Variants in FBXO33 observed in about 807,000 individuals in gnomAD.
FBXO33 encodes F-box protein 33.
Under a neutral mutation model 46.3 loss-of-function variants are expected in FBXO33, and 22 were observed. The ratio of observed to expected loss-of-function variants is 0.48; its 90% CI spans 0.34 to 0.68. The LOEUF is 0.68. FBXO33 is among the 30% of genes least tolerant of loss of function. The pLI is 0.01. For missense variants in FBXO33, 692 were observed against 708.8 expected (o/e 0.98, Z 0.27); for synonymous variants, 337 against 291.3 (o/e 1.16, Z -1.60).
chr14:39,408,674 ATT>A (rs5808028), intron 1 of FBXO33, among the ~76,000 whole-genome samples: 20 of 140,134 alleles, frequency 1.4e-4, no homozygotes, highest in South Asian at 2.3e-4. Flanking sequence ...CACCATGCCT[ATT>A]TTTTTTTTTT....
intron 1 of FBXO33, among the ~76,000 whole-genome samples, chr14:39,409,316 T>C (rs533575471): frequency 1.3e-5 from 2 of 152,304 alleles, no homozygotes; most frequent in Admixed American, 1.3e-4. Flanking sequence ...ATTTTCAGTT[T>C]ACACAACACC....
At chr14:39,408,816 C>T (rs531141785) in intron 1 of FBXO33, among the ~76,000 whole-genome samples, 1 of 151,834 alleles carries the variant, frequency 6.6e-6, no homozygotes, top group East Asian at 2.0e-4. Flanking sequence ...CCTGCTGTTT[C>T]CCAGCATGGA....
chr14:39,426,559 A>C (rs905358172), intron 1 of FBXO33, among the ~76,000 whole-genome samples: 5 of 152,210 alleles, frequency 3.3e-5, no homozygotes, highest in African/African-American at 1.2e-4. Context: ...TCATTAAATA[A>C]GCCTACCTAA....
chr14:39,405,081 G>A (rs574218446), intron 1 of FBXO33, among the ~76,000 whole-genome samples: 2 of 151,582 alleles, frequency 1.3e-5, no homozygotes, highest in African/African-American at 4.8e-5. Flanking sequence ...CTGGGAGATG[G>A]GAGGTTGCAG....
intron 1 of FBXO33, among the ~76,000 whole-genome samples, chr14:39,420,672 C>G (rs1296328388): frequency 6.6e-6 from 1 of 151,518 alleles, no homozygotes; most frequent in African/African-American, 2.4e-5. Flanking sequence ...GCCTGGGGGA[C>G]AGAGCGAAAC....
In FBXO33 at chr14:39,398,012, A is replaced by C. The variant is rs1238906870; in HGVS notation, c.*1504T>G. The C allele has an allele frequency of 6.5e-6, 1 of 152,678 alleles. No individual in the cohort carries two copies. Among genetic ancestry groups the C allele is most frequent in the Non-Finnish European group, 1.5e-5 (1 of 68,048 alleles). The allele number at this position is 152,678 out of a possible 1,614,324, so 9.5% of individuals were successfully genotyped here. A position where few individuals can be genotyped will look rare whatever the true frequency, so the allele number is the denominator to read the frequency against. ...GGAGACAAAACAGTGCACACCTGTC[A>C]AAAGGTCATTTTAATATAAGATGGT... On this transcript the variant is annotated 3_prime_UTR_variant, in exon 4 of 4. Coordinates refer to ENST00000298097, the MANE Select transcript of FBXO33 (RefSeq NM_203301.4).
intron 1 of FBXO33, among the ~76,000 whole-genome samples, chr14:39,403,045 C>G (rs558235017): frequency 1.3e-5 from 2 of 152,200 alleles, no homozygotes; most frequent in South Asian, 2.1e-4. Context: ...AATAACAATA[C>G]CTACCTTATA....
At chr14:39,400,088 C>A (rs1183135585) in intron 3 of FBXO33, among the ~76,000 whole-genome samples, 2 of 152,042 alleles carry the variant, frequency 1.3e-5, no homozygotes, top group Non-Finnish European at 2.9e-5. Flanking sequence ...AAAGTATATA[C>A]AAATAAATTT....
At chr14:39,417,813 G>A (rs1270860280) in intron 1 of FBXO33, among the ~76,000 whole-genome samples, 5 of 152,144 alleles carry the variant, frequency 3.3e-5, no homozygotes, top group Non-Finnish European at 5.9e-5. Context: ...ACAGGCGTGA[G>A]CCACCACGCC....
At chr14:39,426,666 G>C (rs183091203) in intron 1 of FBXO33, among the ~76,000 whole-genome samples, 2 of 151,872 alleles carry the variant, frequency 1.3e-5, no homozygotes, top group Admixed American at 6.6e-5. Context: ...TCCACTGCTC[G>C]AACAGACCAA....
chr14:39,431,690 C>T lies in FBXO33; in HGVS notation c.473G>A (p.Gly158Asp), dbSNP rs1486995575. 3.1e-6 allele frequency: 5 copies of T among 1,613,446 alleles called. No homozygotes were observed. Among genetic ancestry groups the T allele is most frequent in the South Asian group, 1.1e-5 (1 of 91,084 alleles). The change falls in exon 1 of 4, where the codon GGT becomes GAT. Residue 158 changes from glycine (G) to aspartate (D), a missense_variant. Physicochemically the swap from Gly to Asp is moderately conservative, Grantham distance 94 (BLOSUM62 -1). Coordinates refer to ENST00000298097, the MANE Select transcript of FBXO33 (RefSeq NM_203301.4). The stretch of plus-strand genomic sequence containing the variant: ...CCCTCCAGTCCCGGTGTCCGCGCCA[C>T]CTCCGTCCCCTGGGCCACCGCCGCT... The part of the protein sequence containing the change: ...YLSGGGPGDG[G>D]GADTGTGGEE...
At chr14:39,411,520 C>G (rs1454079341) in intron 1 of FBXO33, among the ~76,000 whole-genome samples, 6 of 99,474 alleles carry the variant, frequency 6.0e-5, no homozygotes, top group Non-Finnish European at 1.1e-4. Context: ...TATTTGACTT[C>G]CCCCCCCTTT....
At chr14:39,427,676 C>T (rs2075522635) in intron 1 of FBXO33, among the ~76,000 whole-genome samples, 1 of 152,092 alleles carries the variant, frequency 6.6e-6, no homozygotes, top group African/African-American at 2.4e-5. Context: ...CAGGGGATCA[C>T]ACCTGTAATC....
chr14:39,402,455 C>T lies in FBXO33; in HGVS notation c.656G>A (p.Ser219Asn). Residue 219 changes from serine (S) to asparagine (N), a missense_variant, in exon 2 of 4, where the codon AGT (serine) becomes AAT (asparagine). By Grantham distance (46) the Ser-to-Asn change is conservative. Around this residue, in one of 3 missense-constraint regions of FBXO33, gnomAD observed 412 missense variants for 370.8 expected, o/e 1.11. Transcript: ENST00000298097. ...GDISVLQQQG[S>N]LSNTYLSKVD... Reference sequence around the variant, plus strand: ...CTTGCTGAGGTATGTATTTGACAAACTTCCTTGCTGTTGTAGAACACTTAT... The same window carrying T: ...CTTGCTGAGGTATGTATTTGACAAATTTCCTTGCTGTTGTAGAACACTTAT... 1.3e-6 allele frequency: 2 copies of T among 1,583,724 alleles called. No homozygotes were observed. Among genetic ancestry groups the T allele is most frequent in the Non-Finnish European group, 1.7e-6 (2 of 1,164,420 alleles).
At chr14:39,414,224 T>C (rs2075436943) in intron 1 of FBXO33, among the ~76,000 whole-genome samples, 1 of 152,226 alleles carries the variant, frequency 6.6e-6, no homozygotes, top group African/African-American at 2.4e-5. Flanking sequence ...GTGACTTTTT[T>C]CTTTAAACCT....
intron 1 of FBXO33, among the ~76,000 whole-genome samples, chr14:39,403,622 G>C (rs1242575958): frequency 2.0e-5 from 3 of 152,096 alleles, no homozygotes; most frequent in Non-Finnish European, 4.4e-5. Flanking sequence ...AAAACATATA[G>C]TTTTCTGATA....
At chr14:39,423,372 A>G (rs1254850218) in intron 1 of FBXO33, among the ~76,000 whole-genome samples, 1 of 152,218 alleles carries the variant, frequency 6.6e-6, no homozygotes, top group African/African-American at 2.4e-5. Context: ...GGTTATTTCT[A>G]CTAAAGCTGA....
chr14:39,431,428 G>C, intron 1 of FBXO33, 136 bp downstream of exon 1: 1 of 1,474,968 alleles, frequency 6.8e-7, no homozygotes. Flanking sequence ...CGCCTAGTTA[G>C]AACCAACACT....
chr14:39,422,163 C>T (rs1283371618), intron 1 of FBXO33, among the ~76,000 whole-genome samples: 2 of 152,172 alleles, frequency 1.3e-5, no homozygotes, highest in African/African-American at 4.8e-5. Context: ...GAGACTGAGG[C>T]AGGAGAAGTG....
Sources: gnomAD v4.1 joint callset for allele counts (sites outside exome capture counted in the v4.1 genomes callset) on GRCh38, gnomAD v4.1.1 for gene constraint, gnomAD v4.1.1 regional missense constraint, MANE v1.5 for transcripts, NCBI Gene and HGNC (gene_info 2026-07-23, HGNC 2026-07-21) for gene names.